PDE1C: variants seen among roughly 807,000 people sequenced by gnomAD.
PDE1C encodes the protein dual specificity calcium/calmodulin-dependent 3',5'-cyclic nucleotide phosphodiesterase 1C.
Under a neutral mutation model 93.1 loss-of-function variants are expected in PDE1C, and 62 were observed. The observed-to-expected ratio is 0.67, with a 90% CI of 0.54 to 0.82. The LOEUF is 0.82. Among genes scored for constraint, PDE1C ranks in the 40% least tolerant of loss-of-function variants. The pLI, the probability that PDE1C is intolerant of heterozygous loss-of-function variation, is 0.00. For synonymous variants in PDE1C, 325 were observed against 310.1 expected (o/e 1.05, Z -0.50); for missense variants, 742 against 884.6 (o/e 0.84, Z 2.04).
At chr7:32,282,512 G>GATA (rs1562647710) in intron 1 of PDE1C, among the ~76,000 whole-genome samples, 7 of 7,590 alleles carry the variant, frequency 9.2e-4, no homozygotes, top group African/African-American at 1.9e-3. Context: ...ATAGATAGAT[G>GATA]GTCAATTAAC....
chr7:31,694,386 A>C, the PDE1C span, among the ~76,000 whole-genome samples: 1 of 146,526 alleles, frequency 6.8e-6, no homozygotes, highest in African/African-American at 2.6e-5. Context: ...TCTCTCTCTC[A>C]AACACACACA....
At chr7:32,250,605 A>G (rs1809305981) in intron 1 of PDE1C, among the ~76,000 whole-genome samples, 1 of 152,168 alleles carries the variant, frequency 6.6e-6, no homozygotes, top group Non-Finnish European at 1.5e-5. Flanking sequence ...TGTCGTGAGG[A>G]CTATAAATAA....
chr7:31,711,326 CTG>C, the PDE1C span, among the ~76,000 whole-genome samples: 2 of 152,170 alleles, frequency 1.3e-5, no homozygotes, highest in African/African-American at 2.4e-5. Context: ...AAAAGGAAGA[CTG>C]TGCTCTGAGC....
At chr7:31,692,433 C>T in the PDE1C span, 781 of 1,597,190 alleles carry the variant, frequency 4.9e-4, 4 homozygotes, top group African/African-American at 8.7e-3. Context: ...ATCCACCCAC[C>T]CTCCTTTGAT....
intron 6 of PDE1C, among the ~76,000 whole-genome samples, chr7:31,872,763 CTG>C (rs1796100059): frequency 6.6e-6 from 1 of 152,060 alleles, no homozygotes; most frequent in Non-Finnish European, 1.5e-5. Flanking sequence ...GAGTTGAACA[CTG>C]GAAATGATTC....
intron 1 of PDE1C, among the ~76,000 whole-genome samples, chr7:32,381,318 G>C (rs466229): frequency 0.96 from 145,483 of 151,828 alleles, 69,801 homozygotes; most frequent in East Asian, 1. Context: ...CCCCACCTGC[G>C]TTTTCACTCT....
chr7:31,977,908 A>G (rs1390298653), intron 2 of PDE1C, among the ~76,000 whole-genome samples: 1 of 152,218 alleles, frequency 6.6e-6, no homozygotes, highest in Non-Finnish European at 1.5e-5. Flanking sequence ...CCTGCTTACT[A>G]TGGGCCAGTC....
At chr7:32,149,509 G>A (rs77831636) in intron 3 of PDE1C, among the ~76,000 whole-genome samples, 2,527 of 152,206 alleles carry the variant, frequency 0.017, 79 homozygotes, top group African/African-American at 0.057. Flanking sequence ...TGTCCATCAC[G>A]GCATTGCTTA....
intron 1 of PDE1C, among the ~76,000 whole-genome samples, chr7:32,052,600 T>G (rs1454286096): frequency 2.0e-5 from 3 of 152,158 alleles, no homozygotes; most frequent in Non-Finnish European, 4.4e-5. Context: ...CACACCAGCA[T>G]TTCCATTACA....
At chr7:32,306,001 AG>A (rs1316485464) in intron 1 of PDE1C, among the ~76,000 whole-genome samples, 2 of 152,286 alleles carry the variant, frequency 1.3e-5, no homozygotes, top group East Asian at 3.9e-4. Flanking sequence ...ATTGAATCAT[AG>A]GGGCGGTTTC....
chr7:32,092,164 TGAGAGA>T (rs3078655), intron 3 of PDE1C, among the ~76,000 whole-genome samples: 8 of 148,934 alleles, frequency 5.4e-5, no homozygotes, highest in Non-Finnish European at 1.2e-4. Flanking sequence ...CTTTTGTTCA[TGAGAGA>T]GAGAGAGAGA....
At chr7:32,255,673 G>A (rs1400524138) in intron 1 of PDE1C, among the ~76,000 whole-genome samples, 1 of 152,138 alleles carries the variant, frequency 6.6e-6, no homozygotes, top group Non-Finnish European at 1.5e-5. Flanking sequence ...CACCAAGGAG[G>A]GTACATTTGT....
chr7:31,918,950 T>G (rs1484807727), intron 2 of PDE1C, among the ~76,000 whole-genome samples: 1 of 152,214 alleles, frequency 6.6e-6, no homozygotes, highest in Non-Finnish European at 1.5e-5. Context: ...CTGAATGGCA[T>G]TGCTTTTCTT....
chr7:32,150,136 C>T (rs1801150573), intron 3 of PDE1C, among the ~76,000 whole-genome samples: 2 of 152,222 alleles, frequency 1.3e-5, no homozygotes, highest in Admixed American at 1.3e-4. Flanking sequence ...CCGGATTCAA[C>T]TCAACTATCA....
intron 7 of PDE1C, among the ~76,000 whole-genome samples, chr7:31,856,513 A>G (rs1794037177): frequency 6.6e-6 from 1 of 152,178 alleles, no homozygotes; most frequent in African/African-American, 2.4e-5. Flanking sequence ...TTTTGGTGAG[A>G]GTTGAAGAAG....
upstream of PDE1C, chr7:32,070,988 TGCTGACAAGCGAGAAA>T (rs2128727712): frequency 1.0e-6 from 1 of 985,308 alleles, no homozygotes; most frequent in African/African-American, 1.7e-5. Context: ...CCAGCAGCTC[TGCTGACAAGCGAGAAA>T]ACTGACAAGT....
chr7:32,404,279 A>G (rs1319757054), intron 1 of PDE1C, among the ~76,000 whole-genome samples: 1 of 152,212 alleles, frequency 6.6e-6, no homozygotes, highest in Non-Finnish European at 1.5e-5. Flanking sequence ...CAAGCCATAA[A>G]TGAATGGAAG....
Position 32,092,164 on chromosome 7 carries a change from TGAGAGAGA to T in PDE1C, c.308+77613_308+77620del, listed in dbSNP as rs3078655. ...TTCCAAAGATGTTTCCTTTTGTTCATGAGAGAGAGAGAGAGAGAGAGACTTACTCTGTG... is the reference window on the plus strand; with the variant it reads ...TTCCAAAGATGTTTCCTTTTGTTCATGAGAGAGAGAGAGACTTACTCTGTG... On this transcript the variant is annotated intron_variant, in intron 3 of 18. Coordinates refer to the PDE1C transcript ENST00000396193. Among the ~76,000 whole-genome samples, 183 of 149,032 alleles carry T rather than the reference TGAGAGAGA, an allele frequency of 1.2e-3. 2 individuals are homozygous for T. In the Middle Eastern group the frequency reaches 0.024, roughly 20 times the overall value.
chr7:32,231,036 T>A (rs914589214), intron 1 of PDE1C, among the ~76,000 whole-genome samples: 10 of 152,216 alleles, frequency 6.6e-5, no homozygotes, highest in African/African-American at 2.2e-4. Flanking sequence ...AGAAACACCC[T>A]GAAAGAAGGT....
Sources: gnomAD v4.1 joint callset for allele counts (sites outside exome capture counted in the v4.1 genomes callset) on GRCh38, gnomAD v4.1.1 for gene constraint, MANE v1.5 for transcripts, NCBI Gene and HGNC (gene_info 2026-07-23, HGNC 2026-07-21) for gene names.